RNF130: variants seen among roughly 807,000 people sequenced by gnomAD.
RNF130 encodes E3 ubiquitin-protein ligase RNF130.
RNF130 carries 21 observed loss-of-function variants against 44.6 expected under a neutral mutation model. That is an observed-to-expected ratio of 0.47 (90% CI 0.33 to 0.68). RNF130 has a LOEUF of 0.68. Ranked by LOEUF, RNF130 falls within the 30% of genes least tolerant of loss-of-function variation. The probability of loss-of-function intolerance (pLI) is 0.02; values close to 1 mark genes in which losing one functional copy is unlikely to be tolerated. For synonymous variants in RNF130, 214 were observed against 210.4 expected (o/e 1.02, Z -0.15); for missense variants, 479 against 560.6 (o/e 0.85, Z 1.47).
At chr5:179,926,948 C>A (rs527309433) in intron 7 of RNF130, among the ~76,000 whole-genome samples, 2 of 152,290 alleles carry the variant, frequency 1.3e-5, no homozygotes, top group East Asian at 3.9e-4. Context: ...TGTGTGGGGG[C>A]CCCCTCGCCC....
chr5:180,068,819 GC>G (rs1355211202), intron 1 of RNF130, among the ~76,000 whole-genome samples: 1 of 152,040 alleles, frequency 6.6e-6, no homozygotes, highest in East Asian at 1.9e-4. Context: ...TCACGTATTG[GC>G]CACAGCTGTT....
At chr5:179,987,015 T>G (rs1232616181) in intron 3 of RNF130, among the ~76,000 whole-genome samples, 2 of 152,228 alleles carry the variant, frequency 1.3e-5, no homozygotes, top group African/African-American at 4.8e-5. Flanking sequence ...ATTCTCCAAC[T>G]TTACTGAATT....
intron 6 of RNF130, among the ~76,000 whole-genome samples, chr5:179,967,812 A>T (rs1195288082): frequency 6.6e-6 from 1 of 152,178 alleles, no homozygotes; most frequent in Admixed American, 6.5e-5. Flanking sequence ...GGGCAAAAGA[A>T]CTGTTTCAGG....
At chr5:180,015,610 A>G (rs1317396914) in intron 2 of RNF130, among the ~76,000 whole-genome samples, 1 of 90,338 alleles carries the variant, frequency 1.1e-5, no homozygotes. Flanking sequence ...AGGAGTAGGG[A>G]AAGGAGTAGG....
At chr5:180,007,923 G>A (rs1389073872) in intron 3 of RNF130, among the ~76,000 whole-genome samples, 1 of 151,444 alleles carries the variant, frequency 6.6e-6, no homozygotes, top group African/African-American at 2.4e-5. Flanking sequence ...CCACTCCAGA[G>A]CAGCTCCTTC....
At chr5:180,004,934 T>G (rs78338559) in intron 3 of RNF130, among the ~76,000 whole-genome samples, 2,605 of 152,170 alleles carry the variant, frequency 0.017, 82 homozygotes, top group African/African-American at 0.06. Context: ...TTTTTCCCAT[T>G]TTTTTTTCTC....
chr5:179,973,020 C>T (rs973707128), intron 5 of RNF130, among the ~76,000 whole-genome samples: 3 of 152,116 alleles, frequency 2.0e-5, no homozygotes, highest in African/African-American at 7.2e-5. Context: ...TAGAAAACCT[C>T]CCTTCCTCAG....
intron 7 of RNF130, among the ~76,000 whole-genome samples, chr5:179,928,381 C>T (rs1245454532): frequency 6.6e-6 from 1 of 151,964 alleles, no homozygotes; most frequent in Non-Finnish European, 1.5e-5. Flanking sequence ...TTTAGCATTC[C>T]AGCAGGTGTA....
At chr5:180,060,974 C>A (rs553440701) in intron 1 of RNF130, among the ~76,000 whole-genome samples, 6 of 141,576 alleles carry the variant, frequency 4.2e-5, no homozygotes, top group Admixed American at 8.0e-5. Context: ...GAGGCTGAGG[C>A]AGGAGAATGG....
chr5:179,940,765 T>A (rs1437795559), intron 7 of RNF130, among the ~76,000 whole-genome samples: 7 of 152,032 alleles, frequency 4.6e-5, no homozygotes, highest in Non-Finnish European at 7.4e-5. Flanking sequence ...GTTTGAAAAA[T>A]TGTGTCATTA....
chr5:179,957,678 C>T (rs559879999), intron 8 of RNF130, among the ~76,000 whole-genome samples: 7 of 152,144 alleles, frequency 4.6e-5, no homozygotes, highest in Non-Finnish European at 8.8e-5. Context: ...CTCAATCCCT[C>T]GAAGCCCTAC....
At chr5:179,958,746 G>C (rs1342460832) in intron 8 of RNF130, among the ~76,000 whole-genome samples, 1 of 152,112 alleles carries the variant, frequency 6.6e-6, no homozygotes, top group African/African-American at 2.4e-5. Flanking sequence ...GAGTGCAATG[G>C]GGCGATCTCG....
intron 7 of RNF130, chr5:179,933,842 T>A: frequency 2.5e-6 from 2 of 793,090 alleles, no homozygotes; most frequent in South Asian, 2.7e-5. Flanking sequence ...TCCTGTGTGT[T>A]TTTGTCTTGC....
chr5:179,921,754 G>C lies in RNF130; in HGVS notation c.1151-1328C>G, dbSNP rs564662281. 2.7e-5 allele frequency among the ~76,000 whole-genome samples: 4 copies of C among 147,690 alleles called. No homozygotes were observed. In the Middle Eastern group the frequency reaches 0.012, roughly 426 times the overall value. ...GGAGGTTGCAGTGAGCCAAGATCGC[G>C]CCACACGCCTGTCATCCCAGCACTT... On this transcript the variant is annotated intron_variant, in intron 7 of 7. Transcript: ENST00000522208.
intron 1 of RNF130, among the ~76,000 whole-genome samples, chr5:180,062,471 T>G (rs1281154881): frequency 6.6e-6 from 1 of 152,132 alleles, no homozygotes; most frequent in African/African-American, 2.4e-5. Flanking sequence ...GAAATGGAGC[T>G]TCAACATATG....
chr5:179,941,329 T>C (rs1477829061), intron 7 of RNF130, among the ~76,000 whole-genome samples: 3 of 152,270 alleles, frequency 2.0e-5, no homozygotes, highest in Non-Finnish European at 2.9e-5. Flanking sequence ...GTATCACTTT[T>C]AGAATATGGG....
At chr5:180,002,089 G>A (rs1763358119) in intron 3 of RNF130, among the ~76,000 whole-genome samples, 1 of 152,220 alleles carries the variant, frequency 6.6e-6, no homozygotes, top group African/African-American at 2.4e-5. Context: ...TGTGATGCTG[G>A]GAGCTGCTTC....
chr5:179,937,839 G>C (rs1761914519), intron 7 of RNF130, among the ~76,000 whole-genome samples: 1 of 151,452 alleles, frequency 6.6e-6, no homozygotes, highest in Non-Finnish European at 1.5e-5. Context: ...TTGTGGTGTA[G>C]ACATACAATG....
exon 8 of RNF130, chr5:179,915,806 G>C (rs1761536491): frequency 6.6e-6 from 1 of 152,426 alleles, no homozygotes; most frequent in African/African-American, 2.4e-5. Context: ...GCCTTGTCTT[G>C]ACTGTTCCCT....
Sources: gnomAD v4.1 joint callset for allele counts (sites outside exome capture counted in the v4.1 genomes callset) on GRCh38, gnomAD v4.1.1 for gene constraint, MANE v1.5 for transcripts, NCBI Gene and HGNC (gene_info 2026-07-23, HGNC 2026-07-21) for gene names.